Variants in ZNF444 observed in about 807,000 individuals in gnomAD.
ZNF444 encodes zinc finger protein 444.
A neutral mutation model predicts 14.4 loss-of-function variants in ZNF444; 8 were observed. The observed-to-expected ratio is 0.56, with a 90% CI of 0.33 to 1.00. The LOEUF is 1.00. Ranked by LOEUF, ZNF444 falls within the 50% of genes least tolerant of loss-of-function variation. ZNF444 has a pLI of 0.03. For missense variants in ZNF444, 510 were observed against 504.8 expected, an observed-to-expected ratio of 1.01 and a Z score of -0.10; for synonymous variants, 258 against 235.9, an observed-to-expected ratio of 1.09 and a Z score of -0.86.
intron 3 of ZNF444, among the ~76,000 whole-genome samples, chr19:56,149,117 C>T (rs1288879497): frequency 1.6e-5 from 2 of 124,696 alleles, no homozygotes; most frequent in Admixed American, 1.5e-4. Context: ...ACTCCTCTGA[C>T]CTTGACCTCT....
In ZNF444 at chr19:56,149,260, C is replaced by T. The variant is rs12974334; in HGVS notation, c.297+2052C>T. ...CTGCTTCCATCCCCCATCACTCCTC[C>T]GACCTTGACCTCTGCTTTCATCCCC... On this transcript the variant is annotated intron_variant, in intron 3 of 4. Transcript: ENST00000337080. Among the ~76,000 whole-genome samples the T allele has an allele frequency of 3.5e-3, 308 of 87,146 alleles. 1 individual carries two copies. The highest frequency in any genetic ancestry group is 0.012 in the East Asian group (29 of 2,396). The allele number at this position is 87,146 out of a possible 152,430, so 57.2% of individuals were successfully genotyped here.
chr19:56,147,270 G>C lies in ZNF444; in HGVS notation c.297+62G>C, dbSNP rs578260488. On this transcript the variant is annotated intron_variant, in intron 3 of 4. Transcript: ENST00000337080. This position sits in a 1 kb window ranked among gnomAD's most constrained non-coding sequence, Gnocchi z 5.9. ...GGGAAGGTGCCAGGGAAGCCACCAG[G>C]AAGCCCAGGGAGGAGCACCACTGAA... is the stretch of plus-strand genomic sequence containing the variant. 6.5e-6 allele frequency: 9 copies of C among 1,386,350 alleles called. No homozygotes were observed. In the African/African-American group the frequency reaches 1.1e-4, roughly 16 times the overall value. The allele number at this position is 1,386,350 out of a possible 1,614,324, so 85.9% of individuals were successfully genotyped here. A position where few individuals can be genotyped will look rare whatever the true frequency, so the allele number is the denominator to read the frequency against.
At chr19:56,154,997 G>A (rs1286101705) in intron 3 of ZNF444, 1 of 152,276 alleles carries the variant, frequency 6.6e-6, no homozygotes, top group Non-Finnish European at 1.5e-5. Context: ...TTGGACGCAT[G>A]TCTGGGACTC....
rs141709606 is a variant in ZNF444, at chr19:56,152,907, T to C, written c.298-5587T>C. Among the ~76,000 whole-genome samples the C allele has an allele frequency of 5.4e-3, 820 of 152,256 alleles. 8 individuals carry two copies. The highest frequency in any genetic ancestry group is 0.019 in the African/African-American group (771 of 41,546). On this transcript the variant is annotated intron_variant, in intron 3 of 4. Coordinates refer to ENST00000337080, the MANE Select transcript of ZNF444 (RefSeq NM_018337.4). ...AATCTCATTACCTTCAGGGTTAGGATTTCAACATAGAATTTGAGAGGCACA... is the reference window on the plus strand; with the variant it reads ...AATCTCATTACCTTCAGGGTTAGGACTTCAACATAGAATTTGAGAGGCACA...
At chr19:56,139,356 A>G (rs1054211107), upstream of ZNF444, among the ~76,000 whole-genome samples, 4 of 152,106 alleles carry the variant, frequency 2.6e-5, no homozygotes, top group South Asian at 2.1e-4. Context: ...GACAGAGCCA[A>G]TAGGACCTGA....
rs942216946 is a variant in ZNF444 at position 56,147,646 on chromosome 19, C to T, written c.297+438C>T. ...TGGGTTCTTACTGGGGACTCCTCCC[C>T]GTTCTGTGTGGCTGACCTCAGCCTC... On this transcript the variant is annotated intron_variant, in intron 3 of 4. Transcript: ENST00000337080. The surrounding 1 kb of genome is among the most constrained non-coding windows in gnomAD (Gnocchi z 5.9). 1.3e-5 allele frequency among the ~76,000 whole-genome samples: 2 copies of T among 152,238 alleles called. No homozygotes were observed. Among genetic ancestry groups the T allele is most frequent in the South Asian group, 2.1e-4 (1 of 4,834 alleles).
At chr19:56,154,307 T>C (rs1219795258) in intron 3 of ZNF444, 1 of 152,220 alleles carries the variant, frequency 6.6e-6, no homozygotes, top group Non-Finnish European at 1.5e-5. Flanking sequence ...CATTCTCATC[T>C]GTTCTTTTTT....
At chr19:56,140,715 A>G (rs2030741910), upstream of ZNF444, among the ~76,000 whole-genome samples, 2 of 151,998 alleles carry the variant, frequency 1.3e-5, no homozygotes, top group South Asian at 2.1e-4. Flanking sequence ...AGTCAAGGAG[A>G]CGTAGCCTGC....
At position 56,160,211 on chromosome 19, in the gene ZNF444, G is replaced by T; in HGVS notation, c.*10G>T. The T allele has an allele frequency of 7.0e-7, 1 of 1,429,852 alleles. No homozygotes were observed. Among genetic ancestry groups the T allele is most frequent in the Non-Finnish European group, 9.1e-7 (1 of 1,103,538 alleles). 88.6% of individuals were successfully genotyped at this position (1,429,852 alleles called of 1,614,324 possible). On this transcript the variant is annotated 3_prime_UTR_variant, in exon 5 of 5. Coordinates refer to ENST00000337080, the MANE Select transcript of ZNF444 (RefSeq NM_018337.4). The stretch of plus-strand genomic sequence containing the variant: ...CTGGCCCTTGGGTTAGCCGCCTCCC[G>T]GCCAGCGCCATCTCCCGCCCTTGGT...
At chr19:56,146,649 C>T (rs1044092243) in intron 2 of ZNF444, among the ~76,000 whole-genome samples, 2 of 152,204 alleles carry the variant, frequency 1.3e-5, no homozygotes, top group African/African-American at 2.4e-5. Flanking sequence ...AATTAGCAGG[C>T]GTGGTGGCGG....
chr19:56,134,633 T>C (rs2030570648), intron 1 of ZNF444, among the ~76,000 whole-genome samples: 2 of 152,084 alleles, frequency 1.3e-5, no homozygotes, highest in African/African-American at 4.8e-5. Flanking sequence ...GATGAAGAAG[T>C]GGAGGAAGGA....
chr19:56,149,666 T>C (rs575346872), intron 3 of ZNF444, among the ~76,000 whole-genome samples: 1 of 151,818 alleles, frequency 6.6e-6, no homozygotes, highest in South Asian at 2.1e-4. Flanking sequence ...CCCTGGTGTG[T>C]GATGTTCTCC....
At chr19:56,132,935 C>CTTTCTTTTTTT (rs780382826) in intron 1 of ZNF444, among the ~76,000 whole-genome samples, 39 of 94,298 alleles carry the variant, frequency 4.1e-4, no homozygotes, top group Non-Finnish European at 6.3e-4. Flanking sequence ...TTCTTTCTTT[C>CTTTCTTTTTTT]TTTTTTTTTT....
chr19:56,141,228 G>C (rs1335113111), upstream of ZNF444: 3 of 145,948 alleles, frequency 2.1e-5, no homozygotes, highest in East Asian at 4.2e-4. Context: ...GAGCGGCTCG[G>C]AGTATGGGAT....
chr19:56,152,196 G>T (rs2031624463), intron 3 of ZNF444, among the ~76,000 whole-genome samples: 1 of 152,096 alleles, frequency 6.6e-6, no homozygotes, highest in Non-Finnish European at 1.5e-5. Context: ...GCTGGGCATG[G>T]TGGCACATGC....
At position 56,160,072 on chromosome 19, in the gene ZNF444, G is replaced by A. The variant is rs772744832; in HGVS notation, c.855G>A (p.Lys285=). The A allele has an allele frequency of 3.8e-4, 578 of 1,502,258 alleles. No homozygotes were observed. The highest frequency in any genetic ancestry group is 4.6e-4 in the Non-Finnish European group (515 of 1,130,628). 93.1% of individuals were successfully genotyped at this position (1,502,258 alleles called of 1,614,324 possible). ...CCTTTGCCTGCTGGGAGTGTGGCAA[G>A]GGCTTCGGGCGCCGCGAGCACGTGC... is the stretch of plus-strand genomic sequence containing the variant. ...ARPFACWECG[K]GFGRREHVLR... is the part of the protein sequence containing the mutation. Residue 285 remains lysine (K), a synonymous_variant, in exon 5 of 5, where the codon AAG becomes AAA. Coordinates refer to ENST00000337080, the MANE Select transcript of ZNF444 (RefSeq NM_018337.4).
intron 3 of ZNF444, among the ~76,000 whole-genome samples, chr19:56,152,554 T>C (rs980598020): frequency 6.6e-6 from 1 of 151,968 alleles, no homozygotes; most frequent in Non-Finnish European, 1.5e-5. Context: ...ACGTTTACAT[T>C]TATCTAGGGT....
intron 3 of ZNF444, among the ~76,000 whole-genome samples, chr19:56,148,045 C>CGG (rs1555781530): frequency 3.9e-5 from 6 of 151,992 alleles, no homozygotes; most frequent in African/African-American, 1.5e-4. Flanking sequence ...AGAGTCCTGT[C>CGG]GGGGGATGTG....
upstream of ZNF444, among the ~76,000 whole-genome samples, chr19:56,138,625 CCT>C (rs2030665181): frequency 6.6e-6 from 1 of 151,908 alleles, no homozygotes; most frequent in African/African-American, 2.4e-5. Flanking sequence ...AGATTCAGAC[CCT>C]GTCTCAAATA....
Sources: gnomAD v4.1 joint callset for allele counts (sites outside exome capture counted in the v4.1 genomes callset) on GRCh38, gnomAD v4.1.1 for gene constraint, Gnocchi (gnomAD v3.1) non-coding constraint, MANE v1.5 for transcripts, NCBI Gene and HGNC (gene_info 2026-07-23, HGNC 2026-07-21) for gene names.